DAAM1: variants seen among roughly 807,000 people sequenced by gnomAD.
The protein encoded by DAAM1 is dishevelled associated activator of morphogenesis 1.
A neutral mutation model predicts 130.0 loss-of-function variants in DAAM1; 52 were observed. The ratio of observed to expected loss-of-function variants is 0.40; its 90% CI spans 0.32 to 0.50. The LOEUF is 0.50. Ranked by LOEUF, DAAM1 falls within the 20% of genes least tolerant of loss-of-function variation. The probability of loss-of-function intolerance (pLI) is 0.61; values close to 1 mark genes in which losing one functional copy is unlikely to be tolerated. For missense variants in DAAM1, 1,134 were observed against 1,303.8 expected (o/e 0.87, Z 2.01); for synonymous variants, 452 against 444.5 (o/e 1.02, Z -0.21).
At chr14:59,211,097 A>G (rs1031276806) in intron 1 of DAAM1, among the ~76,000 whole-genome samples, 2 of 152,276 alleles carry the variant, frequency 1.3e-5, no homozygotes, top group East Asian at 3.8e-4. Flanking sequence ...TTTTTCTTTT[A>G]AATGCTTTAG....
intron 3 of DAAM1, among the ~76,000 whole-genome samples, chr14:59,308,372 T>G (rs571747456): frequency 2.8e-4 from 42 of 152,328 alleles, no homozygotes; most frequent in African/African-American, 1.0e-3. Flanking sequence ...TATAATCACT[T>G]TATTCAAATT....
At chr14:59,360,330 G>A (rs1886655130) in intron 21 of DAAM1, among the ~76,000 whole-genome samples, 1 of 152,180 alleles carries the variant, frequency 6.6e-6, no homozygotes, top group African/African-American at 2.4e-5. Flanking sequence ...ATTTTTGATT[G>A]CAACTTAAGC....
chr14:59,220,017 C>T (rs1888721073), intron 1 of DAAM1, among the ~76,000 whole-genome samples: 2 of 152,176 alleles, frequency 1.3e-5, no homozygotes, highest in South Asian at 4.1e-4. Flanking sequence ...TCGAAAAATA[C>T]AGATTTTTTT....
At chr14:59,350,280 T>C (rs907238488) in intron 17 of DAAM1, among the ~76,000 whole-genome samples, 4 of 152,022 alleles carry the variant, frequency 2.6e-5, no homozygotes, top group Admixed American at 2.0e-4. Flanking sequence ...CCCAGCTGGA[T>C]TGACTGCCCC....
chr14:59,193,002 G>T (rs1258758696), intron 1 of DAAM1, among the ~76,000 whole-genome samples: 2 of 152,212 alleles, frequency 1.3e-5, no homozygotes, highest in African/African-American at 4.8e-5. Flanking sequence ...GCAGTGAACG[G>T]AGATTGCGCC....
chr14:59,334,313 A>G (rs1016316086), intron 15 of DAAM1, among the ~76,000 whole-genome samples: 5 of 152,212 alleles, frequency 3.3e-5, no homozygotes, highest in African/African-American at 1.2e-4. Flanking sequence ...TCTCATGACC[A>G]ATGGAAATAC....
chr14:59,341,057 T>G (rs993316675), intron 16 of DAAM1, among the ~76,000 whole-genome samples: 3 of 152,236 alleles, frequency 2.0e-5, no homozygotes, highest in Admixed American at 6.5e-5. Flanking sequence ...TTAGATGTTC[T>G]TAGAATGAAT....
intron 2 of DAAM1, among the ~76,000 whole-genome samples, chr14:59,288,858 A>AGAGAGAGAGAGAGC (rs1404908351): frequency 2.1e-5 from 3 of 141,684 alleles, no homozygotes; most frequent in African/African-American, 7.5e-5. Flanking sequence ...AGAGAGAGAG[A>AGAGAGAGAGAGAGC]GAGCGCGCGA....
chr14:59,189,597 G>A (rs117140194), intron 1 of DAAM1, among the ~76,000 whole-genome samples: 4 of 152,298 alleles, frequency 2.6e-5, no homozygotes, highest in Non-Finnish European at 4.4e-5. Context: ...GTGGTAGCGC[G>A]GGGGTGGAGG....
At chr14:59,307,261 A>G (rs1183289064) in intron 3 of DAAM1, among the ~76,000 whole-genome samples, 2 of 152,220 alleles carry the variant, frequency 1.3e-5, no homozygotes, top group Non-Finnish European at 2.9e-5. Context: ...ATGAAATGCA[A>G]ATTGAGTCTG....
intron 3 of DAAM1, among the ~76,000 whole-genome samples, chr14:59,308,237 A>G (rs1002377401): frequency 6.6e-6 from 1 of 152,188 alleles, no homozygotes; most frequent in African/African-American, 2.4e-5. Flanking sequence ...CCTGCAATTA[A>G]TGGACATGAG....
chr14:59,326,176 C>A, intron 10 of DAAM1, 99 bp downstream of exon 10: 2 of 1,122,430 alleles, frequency 1.8e-6, no homozygotes, highest in Non-Finnish European at 2.6e-6. Context: ...TGGGTGCACA[C>A]CAGGGATTCC....
At chr14:59,252,345 C>G (rs1881683234) in intron 1 of DAAM1, among the ~76,000 whole-genome samples, 1 of 152,172 alleles carries the variant, frequency 6.6e-6, no homozygotes, top group South Asian at 2.1e-4. Flanking sequence ...ATCAGTATTA[C>G]AAATGTCAGT....
chr14:59,292,584 A>G (rs953761325), intron 3 of DAAM1, among the ~76,000 whole-genome samples: 12 of 152,260 alleles, frequency 7.9e-5, no homozygotes, highest in African/African-American at 2.9e-4. Flanking sequence ...AAATGAATGC[A>G]TGATGACTGA....
At chr14:59,272,888 G>T (rs1003906494) in intron 2 of DAAM1, among the ~76,000 whole-genome samples, 9 of 152,160 alleles carry the variant, frequency 5.9e-5, no homozygotes, top group South Asian at 4.2e-4. Context: ...GGTGACAGAA[G>T]ATGATCTCAC....
intron 1 of DAAM1, among the ~76,000 whole-genome samples, chr14:59,243,288 C>A (rs889173301): frequency 6.6e-6 from 1 of 151,994 alleles, no homozygotes; most frequent in Non-Finnish European, 1.5e-5. Flanking sequence ...TCTGTTTGGT[C>A]TCAATTTCTT....
chr14:59,212,930 G>A (rs1246364797), intron 1 of DAAM1, among the ~76,000 whole-genome samples: 2 of 151,860 alleles, frequency 1.3e-5, no homozygotes, highest in Admixed American at 6.6e-5. Flanking sequence ...TTTATCAATC[G>A]CAGCATATAA....
chr14:59,239,287 G>A (rs1293545555), intron 1 of DAAM1, among the ~76,000 whole-genome samples: 2 of 152,078 alleles, frequency 1.3e-5, no homozygotes, highest in Non-Finnish European at 2.9e-5. Context: ...CTATAATTAG[G>A]ACAATTGGCT....
intron 1 of DAAM1, among the ~76,000 whole-genome samples, chr14:59,229,386 G>T (rs967200368): frequency 6.6e-6 from 1 of 152,136 alleles, no homozygotes; most frequent in African/African-American, 2.4e-5. Flanking sequence ...ATGTAGCATT[G>T]CATGTCAGGT....
Sources: allele counts gnomAD v4.1 joint callset (sites outside exome capture counted in the v4.1 genomes callset), GRCh38; gene constraint gnomAD v4.1.1; transcripts MANE v1.5; gene names NCBI Gene and HGNC (gene_info 2026-07-23, HGNC 2026-07-21).